The following STS variants were observed in gnomAD, a reference collection of about 807,000 sequenced individuals.
The protein encoded by STS is steroid sulfatase.
A neutral mutation model predicts 26.8 loss-of-function variants in STS; 7 were observed. The observed-to-expected ratio is 0.26, with a 90% confidence interval of 0.15 to 0.49. STS has a LOEUF of 0.49. Ranked by LOEUF, STS falls within the 20% of genes least tolerant of loss-of-function variation. The pLI is 0.98. For synonymous variants in STS, 199 were observed against 189.4 expected (o/e 1.05, Z -0.42); for missense variants, 434 against 465.6 (o/e 0.93, Z 0.63).
intron 2 of STS, among the ~76,000 whole-genome samples, chrX:7,208,711 A>G (rs1239047154): frequency 1.8e-5 from 2 of 110,999 alleles, no homozygotes; most frequent in African/African-American, 3.3e-5. Context: ...AAACACTGCT[A>G]TAACACGTTA....
chrX:7,282,480 C>T (rs745610066), intron 7 of STS, among the ~76,000 whole-genome samples: 11 of 112,220 alleles, frequency 9.8e-5, no homozygotes, highest in African/African-American at 3.6e-4. Flanking sequence ...GGATTACAGG[C>T]GTGAGCCTCC....
At chrX:7,324,970 G>A (rs186765553) in intron 8 of STS, among the ~76,000 whole-genome samples, 1 of 110,999 alleles carries the variant, frequency 9.0e-6, no homozygotes, top group Non-Finnish European at 1.9e-5. Context: ...CGGACACTTG[G>A]GGGCACCATT....
intron 8 of STS, among the ~76,000 whole-genome samples, chrX:7,316,314 A>C (rs1190334135): frequency 8.9e-6 from 1 of 111,887 alleles, no homozygotes; most frequent in Non-Finnish European, 1.9e-5. Context: ...AAAAAATCAA[A>C]ATTTAGTAAA....
intron 7 of STS, among the ~76,000 whole-genome samples, chrX:7,279,685 A>G (rs1244196020): frequency 9.1e-6 from 1 of 109,603 alleles, no homozygotes; most frequent in African/African-American, 3.3e-5. Context: ...AGGGAAAAAA[A>G]TGTTCTCCTT....
At chrX:7,234,825 T>A (rs1275865612) in intron 2 of STS, among the ~76,000 whole-genome samples, 1 of 112,200 alleles carries the variant, frequency 8.9e-6, no homozygotes, top group Non-Finnish European at 1.9e-5. Flanking sequence ...AAAGTTTCAA[T>A]ATATGTTTCT....
intron 2 of STS, among the ~76,000 whole-genome samples, chrX:7,199,998 C>T (rs1305991537): frequency 9.1e-6 from 1 of 109,743 alleles, no homozygotes; most frequent in Non-Finnish European, 1.9e-5. Context: ...AACTCAAACT[C>T]ATTTTGATTT....
intron 6 of STS, among the ~76,000 whole-genome samples, chrX:7,268,128 A>G (rs1274555321): frequency 9.0e-6 from 1 of 111,364 alleles, no homozygotes; most frequent in African/African-American, 3.3e-5. Flanking sequence ...ACCTACATGA[A>G]AAGATTATAC....
At chrX:7,345,104 G>GT (rs1377956866) in intron 10 of STS, among the ~76,000 whole-genome samples, 2 of 111,322 alleles carry the variant, frequency 1.8e-5, no homozygotes, top group Non-Finnish European at 3.8e-5. Context: ...CGAGGACGTT[G>GT]TTAAAATTTG....
intron 1 of STS, among the ~76,000 whole-genome samples, chrX:7,164,844 CA>C (rs71729693): frequency 2.1e-3 from 199 of 96,356 alleles, no homozygotes; most frequent in African/African-American, 3.7e-3. Flanking sequence ...CCCATCTTTA[CA>C]AAAAAAAAAA....
chrX:7,194,734 C>A (rs1933940064), intron 2 of STS, among the ~76,000 whole-genome samples: 1 of 112,115 alleles, frequency 8.9e-6, no homozygotes, highest in Non-Finnish European at 1.9e-5. Context: ...CTCACTGTTA[C>A]AATTTTTGCA....
Position 7,299,806 on chromosome X carries a change from C to T in STS, c.944-5240C>T, listed in dbSNP as rs186882778. On this transcript the variant is annotated intron_variant, in intron 7 of 10. Coordinates refer to ENST00000674429, the MANE Select transcript of STS (RefSeq NM_001320752.2). ...TACTATTATCCATTATCACCTCTGA[C>T]TTAGTGGCAGAGGATCCCAGTGAGA... Among the ~76,000 whole-genome samples the T allele has an allele frequency of 9.3e-4, 103 of 111,286 alleles. 1 individual carries two copies. The Admixed American group carries it at 9.3e-3, about 10-fold the overall frequency.
At chrX:7,291,034 A>G (rs1925390842) in intron 7 of STS, among the ~76,000 whole-genome samples, 1 of 111,630 alleles carries the variant, frequency 9.0e-6, no homozygotes, top group South Asian at 3.8e-4. Flanking sequence ...CTTAGGGCAC[A>G]ATTTCGTGTG....
intron 7 of STS, among the ~76,000 whole-genome samples, chrX:7,296,405 G>GTGC (rs1309038050): frequency 1.8e-5 from 2 of 112,167 alleles, no homozygotes; most frequent in African/African-American, 6.5e-5. Context: ...GAAAGACAGT[G>GTGC]TGCTCACTTT....
chrX:7,322,878 C>T (rs946335166), intron 8 of STS, among the ~76,000 whole-genome samples: 2 of 112,276 alleles, frequency 1.8e-5, no homozygotes, highest in Non-Finnish European at 3.8e-5. Flanking sequence ...TTCTGATCCA[C>T]TCTGAACTCA....
chrX:7,327,774 C>T (rs893031864), intron 9 of STS, among the ~76,000 whole-genome samples: 1 of 111,779 alleles, frequency 8.9e-6, no homozygotes, highest in Non-Finnish European at 1.9e-5. Flanking sequence ...AATAATAACA[C>T]TGACTTTACA....
intron 6 of STS, among the ~76,000 whole-genome samples, chrX:7,267,138 G>A (rs1309292661): frequency 1.8e-5 from 2 of 112,091 alleles, no homozygotes; most frequent in Non-Finnish European, 3.8e-5. Context: ...ATCTACTCTA[G>A]TGCGGTAGAC....
At chrX:7,148,246 C>G (rs1488588317) in intron 1 of STS, 163 bp downstream of exon 1, 5 of 335,299 alleles carry the variant, frequency 1.5e-5, no homozygotes, top group Non-Finnish European at 2.5e-5. Context: ...GGCCCCTCGC[C>G]CGGCTCCGAG....
chrX:7,335,519 G>A (rs1927974670), intron 10 of STS, among the ~76,000 whole-genome samples: 1 of 111,998 alleles, frequency 8.9e-6, no homozygotes, highest in African/African-American at 3.2e-5. Context: ...CCCTTTGTCA[G>A]ATGAGTAGAT....
intron 9 of STS, among the ~76,000 whole-genome samples, chrX:7,329,969 T>C (rs1384673706): frequency 1.8e-5 from 2 of 112,044 alleles, no homozygotes; most frequent in African/African-American, 6.5e-5. Context: ...AATTCTCTAA[T>C]TCAACCCTAT....
Sources: gnomAD v4.1 joint callset for allele counts (sites outside exome capture counted in the v4.1 genomes callset) on GRCh38, gnomAD v4.1.1 for gene constraint, MANE v1.5 for transcripts, NCBI Gene and HGNC (gene_info 2026-07-23, HGNC 2026-07-21) for gene names.